The following SYCP1 variants were observed in gnomAD, a reference collection of about 807,000 sequenced individuals.
SYCP1 encodes the protein synaptonemal complex protein 1, also known as cancer/testis antigen 8.
A neutral mutation model predicts 153.1 loss-of-function variants in SYCP1; 64 were observed. The ratio of observed to expected loss-of-function variants is 0.42; its 90% CI spans 0.34 to 0.51. SYCP1 has a LOEUF of 0.51. Among genes scored for constraint, SYCP1 ranks in the 20% least tolerant of loss-of-function variants. SYCP1 has a pLI of 0.06. For missense variants in SYCP1, 997 were observed against 1,049.0 expected, an observed-to-expected ratio of 0.95 and a Z score of 0.68; for synonymous variants, 384 against 341.8, an observed-to-expected ratio of 1.12 and a Z score of -1.36.
At chr1:114,896,383 A>C (rs1306558802) in intron 16 of SYCP1, among the ~76,000 whole-genome samples, 1 of 152,212 alleles carries the variant, frequency 6.6e-6, no homozygotes, top group African/African-American at 2.4e-5. Context: ...TACTTATACA[A>C]GTCTTAGCTT....
Position 114,923,538 on chromosome 1 carries a change from A to G in SYCP1, c.1800+8A>G. On this transcript the variant is annotated splice_region_variant and intron_variant, in intron 21 of 31. Coordinates refer to ENST00000369522, the MANE Select transcript of SYCP1 (RefSeq NM_003176.4). Reference sequence around the variant, plus strand: ...GACAAGAGTGAAGAAAATGTATGTTATATTTAATAATGGATCGTATCACAA... The same window carrying G: ...GACAAGAGTGAAGAAAATGTATGTTGTATTTAATAATGGATCGTATCACAA... The G allele has an allele frequency of 6.4e-7, 1 of 1,565,988 alleles. No homozygotes were observed.
chr1:114,940,423 T>G (rs1670313234), intron 23 of SYCP1, among the ~76,000 whole-genome samples: 1 of 152,188 alleles, frequency 6.6e-6, no homozygotes, highest in Non-Finnish European at 1.5e-5. Context: ...TCTTAGATCA[T>G]TAATTTTCAG....
chr1:114,970,728 T>A (rs1381456855), intron 27 of SYCP1, among the ~76,000 whole-genome samples: 2 of 152,076 alleles, frequency 1.3e-5, no homozygotes, highest in African/African-American at 4.8e-5. Flanking sequence ...AGGCTGGTAG[T>A]GGGGAGTGTC....
intron 5 of SYCP1, 146 bp downstream of exon 5, chr1:114,857,643 T>C: frequency 1.7e-6 from 1 of 601,284 alleles, no homozygotes; most frequent in Non-Finnish European, 2.6e-6. Context: ...TTTCTGCTTC[T>C]GTATTTTTTG....
At position 114,876,130 on chromosome 1, in the gene SYCP1, A is replaced by T. The variant is rs1261218732; in HGVS notation, c.719A>T (p.His240Leu). Residue 240 changes from histidine (H) to leucine (L), a missense_variant, in exon 10 of 32, where the codon CAT becomes CTT. By Grantham distance (99) the His-to-Leu change is moderately conservative (BLOSUM62 -3). Coordinates refer to ENST00000369522, the MANE Select transcript of SYCP1 (RefSeq NM_003176.4). ...GCTGAGAATTCCAGACTGGAAATGCATTTTAAGTGTAGGTATAGGGATCTT... is the reference window on the plus strand; with the variant it reads ...GCTGAGAATTCCAGACTGGAAATGCTTTTTAAGTGTAGGTATAGGGATCTT... ...VQAENSRLEMHFKLKEDYEKI... is the reference protein window; with the variant it reads ...VQAENSRLEMLFKLKEDYEKI... 6.3e-7 allele frequency: 1 copy of T among 1,583,762 alleles called. No individual in the cohort carries two copies. Among genetic ancestry groups the T allele is most frequent in the Non-Finnish European group, 8.6e-7 (1 of 1,164,474 alleles).
chr1:114,874,601 G>T, intron 9 of SYCP1, 37 bp downstream of exon 9: 2 of 1,329,374 alleles, frequency 1.5e-6, no homozygotes, highest in South Asian at 1.4e-5. Flanking sequence ...TTAAACATAG[G>T]AATTTCTGAG....
intron 16 of SYCP1, among the ~76,000 whole-genome samples, chr1:114,903,621 G>A (rs1667619067): frequency 6.6e-6 from 1 of 152,092 alleles, no homozygotes; most frequent in African/African-American, 2.4e-5. Context: ...ATCCTAAGAG[G>A]GATGGGACAC....
At chr1:114,972,098 T>A (rs1457217784) in intron 27 of SYCP1, among the ~76,000 whole-genome samples, 2 of 152,196 alleles carry the variant, frequency 1.3e-5, no homozygotes, top group Non-Finnish European at 2.9e-5. Flanking sequence ...TCTTGCTAGA[T>A]GTTATTGATT....
intron 30 of SYCP1, among the ~76,000 whole-genome samples, chr1:114,987,368 C>T (rs934550473): frequency 2.6e-5 from 4 of 151,896 alleles, no homozygotes; most frequent in East Asian, 1.9e-4. Flanking sequence ...TTCAAATGTC[C>T]AGTTTTCAAC....
intron 15 of SYCP1, among the ~76,000 whole-genome samples, chr1:114,893,418 T>A (rs1666861436): frequency 6.6e-6 from 1 of 152,194 alleles, no homozygotes; most frequent in Non-Finnish European, 1.5e-5. Flanking sequence ...AATTTGTTTC[T>A]CCCTTGCTAA....
At chr1:114,985,183 T>A (rs767829876) in intron 30 of SYCP1, among the ~76,000 whole-genome samples, 23 of 151,976 alleles carry the variant, frequency 1.5e-4, no homozygotes, top group Non-Finnish European at 4.4e-5. Context: ...ACTATATTTT[T>A]AAAAAGAGAG....
chr1:114,944,262 C>A, intron 23 of SYCP1, 77 bp from the exon 24 acceptor site: 1 of 849,056 alleles, frequency 1.2e-6, no homozygotes. Flanking sequence ...ATTCACAAAA[C>A]CACAAAATGA....
At chr1:114,895,402 T>G (rs1666991541) in intron 15 of SYCP1, 46 bp from the exon 16 acceptor site, 2 of 1,269,274 alleles carry the variant, frequency 1.6e-6, no homozygotes, top group Non-Finnish European at 2.2e-6. Context: ...CTTTTCCTAT[T>G]CTTTTAATCC....
intron 24 of SYCP1, 127 bp from the exon 25 acceptor site, chr1:114,944,745 C>G: frequency 1.4e-6 from 1 of 738,268 alleles, no homozygotes; most frequent in South Asian, 1.9e-5. Flanking sequence ...AGTGCATTTT[C>G]TACTTGTTTT....
At chr1:114,923,372 C>T in intron 20 of SYCP1, 77 bp from the exon 21 acceptor site, 1 of 1,409,276 alleles carries the variant, frequency 7.1e-7, no homozygotes, top group Non-Finnish European at 9.4e-7. Context: ...TTTAAGACTT[C>T]CTTATTTTGA....
chr1:114,959,368 C>A (rs575629677), intron 27 of SYCP1, among the ~76,000 whole-genome samples: 1 of 152,186 alleles, frequency 6.6e-6, no homozygotes, highest in Admixed American at 6.5e-5. Context: ...GGTTTGCTAG[C>A]ATTTTGAGTT....
chr1:114,970,251 T>C (rs1672392582), intron 27 of SYCP1, among the ~76,000 whole-genome samples: 2 of 152,216 alleles, frequency 1.3e-5, no homozygotes, highest in Admixed American at 1.3e-4. Flanking sequence ...ATGTCTTTCA[T>C]TTCCAGAAGC....
chr1:114,970,155 C>A (rs1672388199), intron 27 of SYCP1, among the ~76,000 whole-genome samples: 1 of 152,152 alleles, frequency 6.6e-6, no homozygotes, highest in Non-Finnish European at 1.5e-5. Flanking sequence ...AATTTGAAAG[C>A]CTTGTCTTTG....
At chr1:114,946,039 T>C (rs540521232) in intron 25 of SYCP1, among the ~76,000 whole-genome samples, 1 of 152,220 alleles carries the variant, frequency 6.6e-6, no homozygotes, top group South Asian at 2.1e-4. Context: ...AAGAATTATC[T>C]TTTGCTCTTT....
Sources: allele counts gnomAD v4.1 joint callset (sites outside exome capture counted in the v4.1 genomes callset), GRCh38; gene constraint gnomAD v4.1.1; transcripts MANE v1.5; gene names NCBI Gene and HGNC (gene_info 2026-07-23, HGNC 2026-07-21).